The following CPEB3 variants were observed in gnomAD, a reference collection of about 807,000 sequenced individuals.
CPEB3 encodes the protein cytoplasmic polyadenylation element-binding protein 3.
CPEB3 carries 20 observed loss-of-function variants against 67.2 expected under a neutral mutation model. The ratio of observed to expected loss-of-function variants is 0.30; its 90% CI spans 0.21 to 0.43. CPEB3 has a LOEUF of 0.43. CPEB3 is among the 20% of genes least tolerant of loss of function. The probability of loss-of-function intolerance (pLI) is 1.00; values close to 1 mark genes in which losing one functional copy is unlikely to be tolerated. For missense variants in CPEB3, 746 were observed against 968.6 expected (o/e 0.77, Z 3.05); for synonymous variants, 376 against 393.1 (o/e 0.96, Z 0.51).
intron 5 of CPEB3, among the ~76,000 whole-genome samples, chr10:92,143,461 T>C (rs1356825574): frequency 6.6e-6 from 1 of 152,220 alleles, no homozygotes; most frequent in Non-Finnish European, 1.5e-5. Context: ...TCTCTGATTT[T>C]AGTAAGAAAG....
rs184025988 is a variant in CPEB3 at position 92,244,931 on chromosome 10, G to A, written c.-11-4570C>T. On this transcript the variant is annotated intron_variant, in intron 1 of 9. Transcript: ENST00000265997. ...ATTTGGTTCAGTGCTACTCACCCAA[G>A]GGGTTAGCAATAAATGTCAGTTGAT... Among the ~76,000 whole-genome samples, 621 of 152,230 alleles carry A rather than the reference G, an allele frequency of 4.1e-3. 7 individuals are homozygous for A. The highest frequency in any genetic ancestry group is 0.014 in the African/African-American group (576 of 41,524).
intron 8 of CPEB3, among the ~76,000 whole-genome samples, chr10:92,090,671 T>C (rs1164459549): frequency 6.6e-6 from 1 of 152,224 alleles, no homozygotes; most frequent in Non-Finnish European, 1.5e-5. Context: ...CACTCCTAAA[T>C]ATAACACTAG....
intron 1 of CPEB3, among the ~76,000 whole-genome samples, chr10:92,279,683 G>A (rs1229912246): frequency 6.6e-6 from 1 of 151,844 alleles, no homozygotes; most frequent in Non-Finnish European, 1.5e-5. Flanking sequence ...ATCAGTTTGG[G>A]GTAAAGAACC....
chr10:92,143,426 A>G (rs1385194476), intron 5 of CPEB3, among the ~76,000 whole-genome samples: 1 of 152,254 alleles, frequency 6.6e-6, no homozygotes. Context: ...TATGTCAAAT[A>G]GAAAGATTCT....
chr10:92,280,711 T>C (rs972693084), intron 1 of CPEB3, among the ~76,000 whole-genome samples: 3 of 147,664 alleles, frequency 2.0e-5, no homozygotes, highest in African/African-American at 7.4e-5. Context: ...AATAAATCCC[T>C]GATCTATATA....
intron 1 of CPEB3, among the ~76,000 whole-genome samples, chr10:92,280,738 C>T (rs1241271583): frequency 1.4e-5 from 2 of 143,934 alleles, no homozygotes; most frequent in Admixed American, 7.0e-5. Context: ...GGCTAATAGA[C>T]GGTGAGCATC....
chr10:92,218,175 G>A (rs889275484), intron 2 of CPEB3, among the ~76,000 whole-genome samples: 5 of 152,070 alleles, frequency 3.3e-5, no homozygotes, highest in Non-Finnish European at 7.4e-5. Context: ...TTGGGAGGCC[G>A]AGGTGGGCAG....
chr10:92,282,680 A>C (rs764147223), intron 1 of CPEB3, among the ~76,000 whole-genome samples: 5 of 151,354 alleles, frequency 3.3e-5, no homozygotes, highest in Non-Finnish European at 7.4e-5. Context: ...GCAAGATCCC[A>C]TCTCAAAAAA....
intron 1 of CPEB3, among the ~76,000 whole-genome samples, chr10:92,257,153 T>C (rs1852550701): frequency 6.6e-6 from 1 of 152,254 alleles, no homozygotes; most frequent in African/African-American, 2.4e-5. Flanking sequence ...CAGTATAATT[T>C]ACCTTTCTCC....
At chr10:92,201,780 C>T (rs987524414) in intron 2 of CPEB3, among the ~76,000 whole-genome samples, 1 of 152,112 alleles carries the variant, frequency 6.6e-6, no homozygotes. Flanking sequence ...CATGTAGCTC[C>T]TAATATTATT....
At chr10:92,172,637 G>A (rs1848057521) in intron 4 of CPEB3, among the ~76,000 whole-genome samples, 1 of 152,144 alleles carries the variant, frequency 6.6e-6, no homozygotes, top group African/African-American at 2.4e-5. Context: ...ATGCTGACAT[G>A]CAATTTACCC....
intron 4 of CPEB3, among the ~76,000 whole-genome samples, chr10:92,159,562 C>T (rs1168284292): frequency 6.6e-6 from 1 of 151,366 alleles, no homozygotes; most frequent in Non-Finnish European, 1.5e-5. Context: ...GTCCCAGCTA[C>T]TCAGGAAACT....
intron 9 of CPEB3, among the ~76,000 whole-genome samples, chr10:92,059,611 T>A: frequency 6.7e-6 from 1 of 150,340 alleles, no homozygotes; most frequent in African/African-American, 2.4e-5. Context: ...ATAGAAGAAA[T>A]AATAAAGATC....
At chr10:92,174,121 T>G (rs1228301934) in intron 4 of CPEB3, among the ~76,000 whole-genome samples, 1 of 152,224 alleles carries the variant, frequency 6.6e-6, no homozygotes, top group Admixed American at 6.5e-5. Flanking sequence ...TTTTGGAAAA[T>G]GCCATTTGGA....
Position 92,052,176 on chromosome 10 carries a change from T to G in CPEB3, c.*36A>C, listed in dbSNP as rs779729521. 3 of 1,454,498 alleles carry G rather than the reference T, an allele frequency of 2.1e-6. No homozygotes were observed. The Admixed American group carries it at 5.1e-5, about 25-fold the overall frequency. 90.1% of individuals were successfully genotyped at this position (1,454,498 alleles called of 1,614,324 possible). A position where few individuals can be genotyped will look rare whatever the true frequency, so the allele number is the denominator to read the frequency against. On this transcript the variant is annotated 3_prime_UTR_variant, in exon 10 of 10. Transcript: ENST00000265997. ...TGCCCTCTCTTTTCCCTCCTTGTTATCTACTCCAGTACTTGTGGCTGGGTC... is the reference window on the plus strand; with the variant it reads ...TGCCCTCTCTTTTCCCTCCTTGTTAGCTACTCCAGTACTTGTGGCTGGGTC...
At chr10:92,146,628 GA>G (rs2133855235) in intron 4 of CPEB3, among the ~76,000 whole-genome samples, 1 of 152,224 alleles carries the variant, frequency 6.6e-6, no homozygotes, top group Admixed American at 6.5e-5. Context: ...GTTATTTTGT[GA>G]ACAACCCAGG....
At chr10:92,209,334 G>A (rs1419636587) in intron 2 of CPEB3, among the ~76,000 whole-genome samples, 1 of 152,160 alleles carries the variant, frequency 6.6e-6, no homozygotes, top group Non-Finnish European at 1.5e-5. Flanking sequence ...AGACCAGCCT[G>A]GCCAACATGG....
At chr10:92,057,219 A>G (rs1411837446) in intron 9 of CPEB3, among the ~76,000 whole-genome samples, 1 of 152,180 alleles carries the variant, frequency 6.6e-6, no homozygotes, top group Non-Finnish European at 1.5e-5. Context: ...GCCCTGGGCC[A>G]GAGGGGAGCC....
chr10:92,120,850 T>C (rs552983180), intron 6 of CPEB3, among the ~76,000 whole-genome samples: 207 of 149,178 alleles, frequency 1.4e-3, no homozygotes, highest in Non-Finnish European at 2.5e-3. Context: ...ACAGGCAAGT[T>C]CCACCACATC....
Sources: gnomAD v4.1 joint callset for allele counts (sites outside exome capture counted in the v4.1 genomes callset) on GRCh38, gnomAD v4.1.1 for gene constraint, MANE v1.5 for transcripts, NCBI Gene and HGNC (gene_info 2026-07-23, HGNC 2026-07-21) for gene names.